Variants in DLGAP2 observed in about 807,000 individuals in gnomAD.
DLGAP2 encodes DLG associated protein 2, also known as disks large-associated protein 2.
In DLGAP2, 26 loss-of-function variants were observed where a neutral mutation model predicts 100.3. The observed-to-expected ratio is 0.26, with a 90% CI of 0.19 to 0.36. The LOEUF (loss-of-function observed/expected upper bound fraction) is 0.36, where lower values mean the gene tolerates loss of function less well. Among genes scored for constraint, DLGAP2 ranks in the 10% least tolerant of loss-of-function variants. DLGAP2 has a pLI of 1.00. For missense variants in DLGAP2, 1,858 were observed against 1,453.2 expected (o/e 1.28, Z -4.53); for synonymous variants, 886 against 630.1 (o/e 1.41, Z -6.08).
intron 3 of DLGAP2, among the ~76,000 whole-genome samples, chr8:1,263,936 G>A (rs193108804): frequency 6.6e-6 from 1 of 152,206 alleles, no homozygotes; most frequent in East Asian, 1.9e-4. Flanking sequence ...ACTAATATTT[G>A]AAGGAAAACA....
intron 2 of DLGAP2, among the ~76,000 whole-genome samples, chr8:934,760 T>C (rs554929624): frequency 1.3e-5 from 2 of 152,186 alleles, no homozygotes; most frequent in African/African-American, 4.8e-5. Flanking sequence ...GATGGAACAT[T>C]TGGGGAACCA....
intron 2 of DLGAP2, among the ~76,000 whole-genome samples, chr8:1,087,939 C>A (rs79709816): frequency 0.052 from 7,899 of 152,300 alleles, 680 homozygotes; most frequent in African/African-American, 0.18. Flanking sequence ...GCCCTCAGGG[C>A]ACAATGTCAG....
chr8:1,044,998 G>A (rs964047796), intron 2 of DLGAP2, among the ~76,000 whole-genome samples: 8 of 152,168 alleles, frequency 5.3e-5, no homozygotes, highest in African/African-American at 1.9e-4. Flanking sequence ...GACTTAAAAG[G>A]TCCTTGTCAT....
rs76026774 is a variant in DLGAP2 at position 1,387,154 on chromosome 8, G to A, written c.107-114212G>A. 7.7e-3 allele frequency among the ~76,000 whole-genome samples: 1,174 copies of A among 152,278 alleles called. 21 individuals are homozygous for A. Among genetic ancestry groups the A allele is most frequent in the African/African-American group, 0.027 (1,114 of 41,550 alleles). On this transcript the variant is annotated intron_variant, in intron 3 of 14. Transcript: ENST00000637795. ...CGTGATCATTGACAGTAAGGAGGAT[G>A]GTATTGAAGAAAACAGCCGGAGGAG...
In DLGAP2 at chr8:848,258, C is replaced by G. The variant is rs149135406; in HGVS notation, c.19-59654C>G. Among the ~76,000 whole-genome samples the G allele has an allele frequency of 1.9e-3, 291 of 151,954 alleles. 1 individual carries two copies. Among genetic ancestry groups the G allele is most frequent in the Non-Finnish European group, 3.2e-3 (219 of 68,014 alleles). On this transcript the variant is annotated intron_variant, in intron 1 of 14. Coordinates refer to ENST00000637795, the MANE Select transcript of DLGAP2 (RefSeq NM_001346810.2). ...TTTTTATAAATTGCTGAGTAGTATT[C>G]CAGTATAGGATCGTGTGGTGTGTGT...
chr8:1,573,222 G>T (rs1455236832), intron 6 of DLGAP2, among the ~76,000 whole-genome samples: 1 of 136,674 alleles, frequency 7.3e-6, no homozygotes. Flanking sequence ...AGATGGAGAG[G>T]AGAGAGGGTG....
rs989987064 is a variant in DLGAP2 at position 1,233,035 on chromosome 8, C to T, written c.74-25816C>T. Among the ~76,000 whole-genome samples, 5 of 152,288 alleles carry T rather than the reference C, an allele frequency of 3.3e-5. 1 individual carries two copies. The highest frequency in any genetic ancestry group is 4.1e-4 in the South Asian group (2 of 4,820). Reference sequence around the variant, plus strand: ...TAGGAATAGAACCATCTGGCATTGGCGGAATTTTGTGCCTGGTTTCTTCCA... The same window carrying T: ...TAGGAATAGAACCATCTGGCATTGGTGGAATTTTGTGCCTGGTTTCTTCCA... On this transcript the variant is annotated intron_variant, in intron 2 of 14. Transcript: ENST00000637795.
chr8:1,579,039 T>C (rs1251158127), intron 6 of DLGAP2, among the ~76,000 whole-genome samples: 2 of 152,228 alleles, frequency 1.3e-5, no homozygotes, highest in South Asian at 2.1e-4. Flanking sequence ...CTTGCTTATA[T>C]ATTAACATTT....
chr8:1,678,726 G>A (rs1233098612), intron 12 of DLGAP2, 97 bp downstream of exon 12: 17 of 1,295,672 alleles, frequency 1.3e-5, no homozygotes, highest in Non-Finnish European at 1.5e-5. Flanking sequence ...TCCTCCCTTT[G>A]GTATTCAAGT....
intron 1 of DLGAP2, among the ~76,000 whole-genome samples, chr8:780,834 C>T (rs1237925427): frequency 1.3e-5 from 2 of 152,224 alleles, no homozygotes; most frequent in South Asian, 4.1e-4. Flanking sequence ...TCCGCCTTCC[C>T]CACACCCCCT....
chr8:860,778 C>G (rs979667073), intron 1 of DLGAP2, among the ~76,000 whole-genome samples: 2 of 152,118 alleles, frequency 1.3e-5, no homozygotes, highest in South Asian at 2.1e-4. Flanking sequence ...CGGCAGGTAG[C>G]GTGTGCACCC....
intron 14 of DLGAP2, among the ~76,000 whole-genome samples, chr8:1,698,143 G>A (rs1030311303): frequency 1.3e-5 from 2 of 152,226 alleles, no homozygotes; most frequent in Non-Finnish European, 2.9e-5. Context: ...CCCAGAAGGT[G>A]CCCTGGCCAC....
In DLGAP2 at chr8:800,674, ATGTATG is replaced by A. The variant is rs947248844; in HGVS notation, c.18+62858_18+62863del. The stretch of plus-strand genomic sequence containing the variant: ...TGCACATGCGTGTGCATGTGTGTAC[ATGTATG>A]TGTATGTGCATGTGTGCATGTGTGT... On this transcript the variant is annotated intron_variant, in intron 1 of 14. Transcript: ENST00000637795. Among the ~76,000 whole-genome samples the A allele has an allele frequency of 1.1e-4, 16 of 152,072 alleles. No individual in the cohort carries two copies. The South Asian group carries it at 1.2e-3, about 12-fold the overall frequency.
At chr8:757,075 A>G (rs1393603192) in intron 1 of DLGAP2, among the ~76,000 whole-genome samples, 1 of 152,090 alleles carries the variant, frequency 6.6e-6, no homozygotes, top group South Asian at 2.1e-4. Context: ...GCCTTTGCAC[A>G]TGCTGCACCC....
At chr8:1,563,530 G>A (rs1386380944) in intron 5 of DLGAP2, among the ~76,000 whole-genome samples, 2 of 150,748 alleles carry the variant, frequency 1.3e-5, no homozygotes, top group South Asian at 2.1e-4. Flanking sequence ...GTTACTGCGG[G>A]GACCGTGCAG....
chr8:1,119,271 C>A (rs1474774186), intron 2 of DLGAP2, among the ~76,000 whole-genome samples: 1 of 152,130 alleles, frequency 6.6e-6, no homozygotes, highest in Non-Finnish European at 1.5e-5. Flanking sequence ...TTTATTTCAG[C>A]CTTTGACATA....
chr8:1,544,707 T>C (rs1182750957), intron 4 of DLGAP2, among the ~76,000 whole-genome samples: 1 of 151,750 alleles, frequency 6.6e-6, no homozygotes, highest in Non-Finnish European at 1.5e-5. Flanking sequence ...CATATGCTGC[T>C]ATATTTGATT....
intron 3 of DLGAP2, among the ~76,000 whole-genome samples, chr8:1,306,829 A>G (rs1585243492): frequency 1.3e-5 from 2 of 152,196 alleles, no homozygotes; most frequent in Non-Finnish European, 2.9e-5. Flanking sequence ...TATGTTAGAG[A>G]AACTGGATAT....
intron 8 of DLGAP2, among the ~76,000 whole-genome samples, chr8:1,641,631 G>A (rs954176265): frequency 6.6e-6 from 1 of 152,108 alleles, no homozygotes; most frequent in Admixed American, 6.5e-5. Flanking sequence ...ACATTTGGAG[G>A]GACATGTGTA....
Sources: allele counts gnomAD v4.1 joint callset (sites outside exome capture counted in the v4.1 genomes callset), GRCh38; gene constraint gnomAD v4.1.1; transcripts MANE v1.5; gene names NCBI Gene and HGNC (gene_info 2026-07-23, HGNC 2026-07-21).